VWA8: variants seen among roughly 807,000 people sequenced by gnomAD.
VWA8 encodes von Willebrand factor A domain containing 8.
In VWA8, 221 loss-of-function variants were observed where a neutral mutation model predicts 241.5. The ratio of observed to expected loss-of-function variants is 0.91; its 90% CI spans 0.82 to 1.02. VWA8 has a LOEUF of 1.02. Among genes scored for constraint, VWA8 ranks in the 50% least tolerant of loss-of-function variants. The probability of loss-of-function intolerance (pLI) is 0.00; values close to 1 mark genes in which losing one functional copy is unlikely to be tolerated. For synonymous variants in VWA8, 852 were observed against 827.1 expected, an observed-to-expected ratio of 1.03 and a Z score of -0.52; for missense variants, 2,322 against 2,328.7, an observed-to-expected ratio of 1.00 and a Z score of 0.06.
chr13:41,686,932 C>T (rs1318246852), intron 34 of VWA8, among the ~76,000 whole-genome samples: 2 of 152,064 alleles, frequency 1.3e-5, no homozygotes, highest in African/African-American at 2.4e-5. Flanking sequence ...TTGGGCTTAA[C>T]GTCCATCACT....
At chr13:41,730,755 T>C (rs976366911) in intron 22 of VWA8, among the ~76,000 whole-genome samples, 4 of 152,016 alleles carry the variant, frequency 2.6e-5, no homozygotes, top group Admixed American at 6.6e-5. Context: ...GTAAGAAATA[T>C]AATGTAAAGT....
In VWA8 at chr13:41,570,662, C is replaced by G. The variant is rs763935869; in HGVS notation, c.5415G>C (p.Thr1805=). 6.2e-7 allele frequency: 1 copy of G among 1,614,114 alleles called. No homozygotes were observed. Among genetic ancestry groups the G allele is most frequent in the African/African-American group, 1.3e-5 (1 of 74,932 alleles). The change falls in exon 44 of 45, where the codon ACG becomes ACC. Residue 1805 remains threonine (T), a synonymous_variant. Coordinates refer to ENST00000379310, the MANE Select transcript of VWA8 (RefSeq NM_015058.2). ...TGATGGCATGTTCTGTCCCTTCTAA[C>G]GTGTGGTCCCCACTCATGCAGAACT... is the stretch of plus-strand genomic sequence containing the variant. ...HSQFCMSGDH[T]LEGTEHAIKE... is the part of the protein sequence containing the mutation.
At chr13:41,611,879 T>A in intron 38 of VWA8, 147 bp from the exon 39 acceptor site, 2 of 938,552 alleles carry the variant, frequency 2.1e-6, no homozygotes, top group Non-Finnish European at 3.1e-6. Flanking sequence ...TGGAAAAAGA[T>A]GTATTCTCTT....
At chr13:41,585,541 G>C (rs2044411513) in intron 42 of VWA8, among the ~76,000 whole-genome samples, 1 of 152,100 alleles carries the variant, frequency 6.6e-6, no homozygotes, top group African/African-American at 2.4e-5. Context: ...TTTAATGGTA[G>C]TACATTTGCT....
At chr13:41,786,982 A>G (rs1869219608) in intron 18 of VWA8, among the ~76,000 whole-genome samples, 1 of 151,820 alleles carries the variant, frequency 6.6e-6, no homozygotes, top group African/African-American at 2.4e-5. Context: ...GAGGGCATGC[A>G]TATTCTGATT....
chr13:41,863,643 T>A (rs1214061802), intron 12 of VWA8, among the ~76,000 whole-genome samples: 1 of 151,174 alleles, frequency 6.6e-6, no homozygotes, highest in Non-Finnish European at 1.5e-5. Context: ...CATGCAGCCA[T>A]AAAAAGGAAG....
At chr13:41,690,680 A>AT (rs1347537661) in intron 32 of VWA8, among the ~76,000 whole-genome samples, 4 of 152,114 alleles carry the variant, frequency 2.6e-5, no homozygotes, top group Admixed American at 1.3e-4. Flanking sequence ...TGATCTACTT[A>AT]TTTTTAACAT....
intron 12 of VWA8, among the ~76,000 whole-genome samples, chr13:41,860,904 A>C (rs2044911684): frequency 6.6e-6 from 1 of 152,174 alleles, no homozygotes; most frequent in Admixed American, 6.5e-5. Flanking sequence ...ACTGTTTGGA[A>C]AAATTGATGA....
At chr13:41,822,274 T>C (rs1261193501) in intron 14 of VWA8, among the ~76,000 whole-genome samples, 1 of 152,162 alleles carries the variant, frequency 6.6e-6, no homozygotes, top group Admixed American at 6.5e-5. Flanking sequence ...ATTGGGGAAC[T>C]TGAAAGAATA....
intron 20 of VWA8, among the ~76,000 whole-genome samples, chr13:41,761,570 T>C (rs534930021): frequency 1.3e-4 from 20 of 152,190 alleles, no homozygotes; most frequent in African/African-American, 4.8e-4. Flanking sequence ...ATCAAGTAAG[T>C]ATAAAACAAT....
intron 19 of VWA8, among the ~76,000 whole-genome samples, chr13:41,778,772 A>AATTTGC (rs1868740512): frequency 6.6e-6 from 1 of 151,650 alleles, no homozygotes; most frequent in Admixed American, 6.6e-5. Flanking sequence ...CCCTATTTGT[A>AATTTGC]AAAAGGCAAA....
chr13:41,719,624 C>T lies in VWA8; in HGVS notation c.3083G>A (p.Gly1028Glu). 1 of 1,613,096 alleles carries T rather than the reference C, an allele frequency of 6.2e-7. No homozygotes were observed. Among genetic ancestry groups the T allele is most frequent in the Non-Finnish European group, 8.5e-7 (1 of 1,179,356 alleles). Residue 1028 changes from glycine to glutamate, a missense_variant, in exon 26 of 45, where the codon GGA becomes GAA. Coordinates refer to ENST00000379310, the MANE Select transcript of VWA8 (RefSeq NM_015058.2). ...CAGCTGCACACTGGTAGGCTTTGCT[C>T]CGATAGGTATCCCGTATTTGTGTAA... ...NTLHKYGIPIGAKPTSVQLAK... is the reference protein window; with the variant it reads ...NTLHKYGIPIEAKPTSVQLAK...
intron 8 of VWA8, among the ~76,000 whole-genome samples, chr13:41,885,686 T>C (rs976699539): frequency 3.9e-5 from 6 of 152,218 alleles, no homozygotes; most frequent in African/African-American, 1.4e-4. Flanking sequence ...TCTGTAGAAC[T>C]TTACTGAGAT....
intron 37 of VWA8, among the ~76,000 whole-genome samples, chr13:41,656,844 C>T (rs2044909618): frequency 6.6e-6 from 1 of 152,080 alleles, no homozygotes; most frequent in African/African-American, 2.4e-5. Context: ...GTCAAAACCA[C>T]TAAAAAATAA....
At chr13:41,914,090 G>T (rs1876142009) in intron 2 of VWA8, among the ~76,000 whole-genome samples, 1 of 152,236 alleles carries the variant, frequency 6.6e-6, no homozygotes, top group Non-Finnish European at 1.5e-5. Context: ...CTACTCAGGA[G>T]GCTGAGGCTG....
At chr13:41,573,486 A>AAATAAATATATATATATATATATATAT in intron 43 of VWA8, among the ~76,000 whole-genome samples, 1 of 113,614 alleles carries the variant, frequency 8.8e-6, no homozygotes, top group African/African-American at 3.4e-5. Context: ...AAAAAAAAAA[A>AAATAAATATATATATATATATATATAT]ATATATATAT....
intron 2 of VWA8, among the ~76,000 whole-genome samples, chr13:41,924,645 C>T (rs747657537): frequency 5.9e-5 from 9 of 151,908 alleles, no homozygotes; most frequent in Admixed American, 3.9e-4. Context: ...TTCCTAGGCC[C>T]GGGGTCTTAC....
intron 14 of VWA8, among the ~76,000 whole-genome samples, chr13:41,829,630 T>C (rs530951270): frequency 6.6e-6 from 1 of 152,130 alleles, no homozygotes; most frequent in South Asian, 2.1e-4. Flanking sequence ...TAATATCTTT[T>C]GCAGCAACTT....
intron 20 of VWA8, among the ~76,000 whole-genome samples, chr13:41,770,433 T>TC (rs1156639790): frequency 4.6e-5 from 6 of 129,056 alleles, no homozygotes; most frequent in African/African-American, 1.7e-4. Context: ...AGAGCGAGAC[T>TC]CCGTTTCAAA....
Sources: gnomAD v4.1 joint callset for allele counts (sites outside exome capture counted in the v4.1 genomes callset) on GRCh38, gnomAD v4.1.1 for gene constraint, MANE v1.5 for transcripts, NCBI Gene and HGNC (gene_info 2026-07-23, HGNC 2026-07-21) for gene names.